The following NFILZ variants were observed in gnomAD, a reference collection of about 807,000 sequenced individuals.
NFILZ encodes NFIL3 like basic leucine zipper.
At chr19:8,641,395 G>A (rs2042918502) in intron 3 of NFILZ, among the ~76,000 whole-genome samples, 3 of 152,214 alleles carry the variant, frequency 2.0e-5, no homozygotes, top group Middle Eastern at 3.4e-3. Flanking sequence ...TACTTGTTTA[G>A]GAATTCACCC....
intron 3 of NFILZ, among the ~76,000 whole-genome samples, chr19:8,659,791 G>A (rs984175705): frequency 2.0e-5 from 3 of 152,116 alleles, no homozygotes; most frequent in Non-Finnish European, 4.4e-5. Context: ...TGAAGCTCTG[G>A]CCTGTTTCCA....
intron 3 of NFILZ, among the ~76,000 whole-genome samples, chr19:8,673,617 G>A (rs139559030): frequency 1.3e-5 from 2 of 152,288 alleles, no homozygotes; most frequent in African/African-American, 4.8e-5. Flanking sequence ...GGGGTCCCAG[G>A]TATGGACACT....
At chr19:8,662,699 C>T (rs1439112383) in intron 3 of NFILZ, among the ~76,000 whole-genome samples, 1 of 149,710 alleles carries the variant, frequency 6.7e-6, no homozygotes, top group Non-Finnish European at 1.5e-5. Context: ...TGCAGTGACA[C>T]GATCTTGGCT....
intron 4 of NFILZ, among the ~76,000 whole-genome samples, 105 bp from the exon 5 acceptor site, chr19:8,676,254 C>T (rs782403282): frequency 1.3e-5 from 2 of 152,120 alleles, no homozygotes; most frequent in Non-Finnish European, 2.9e-5. Context: ...CAAACTGAAG[C>T]GATCTTGGGG....
At chr19:8,656,407 CTCTGAAACCCACCTCTTT>C (rs1167923776) in intron 3 of NFILZ, among the ~76,000 whole-genome samples, 19 of 90,518 alleles carry the variant, frequency 2.1e-4, no homozygotes, top group East Asian at 4.5e-4. Context: ...CCCACCTTCT[CTCTGAAACCCACCTCTTT>C]CCGCAGCCCA....
rs1426864029 is a variant in NFILZ at position 8,636,767 on chromosome 19, T to G, written c.-164+1021T>G. 3.9e-5 allele frequency among the ~76,000 whole-genome samples: 6 copies of G among 152,010 alleles called. No homozygotes were observed. In the East Asian group the frequency reaches 1.2e-3, roughly 30 times the overall value. On this transcript the variant is annotated intron_variant, in intron 3 of 5. Transcript: ENST00000691075. ...CCACCATGCTTGGCTAATTTTTGTA[T>G]TTTTAATAGAGGTGAGGTTTCACCC... is the stretch of plus-strand genomic sequence containing the variant.
intron 3 of NFILZ, among the ~76,000 whole-genome samples, chr19:8,666,045 C>CT (rs35290862): frequency 0.083 from 12,216 of 146,368 alleles, 1,632 homozygotes; most frequent in African/African-American, 0.28. Context: ...TTTTTCTCAC[C>CT]TTTTTTTTTT....
At chr19:8,642,194 A>C (rs1451334351) in intron 3 of NFILZ, among the ~76,000 whole-genome samples, 1 of 149,238 alleles carries the variant, frequency 6.7e-6, no homozygotes, top group African/African-American at 2.5e-5. Flanking sequence ...TTAAGTGTAG[A>C]CCCGAGTTGA....
Position 8,680,211 on chromosome 19 carries a change from A to G in NFILZ, c.*2576A>G, listed in dbSNP as rs964614506. Among the ~76,000 whole-genome samples the G allele has an allele frequency of 6.7e-4, 94 of 140,210 alleles. 2 individuals carry two copies. Among genetic ancestry groups the G allele is most frequent in the African/African-American group, 1.3e-3 (48 of 35,966 alleles). 92.0% of individuals were successfully genotyped at this position (140,210 alleles called of 152,430 possible). On this transcript the variant is annotated 3_prime_UTR_variant, in exon 6 of 6. Coordinates refer to ENST00000691075, the MANE Select transcript of NFILZ (RefSeq NM_001378600.1). ...ACTCCATCTGAAAAAAAAAAAAAAA[A>G]AAAGGAAAAAGAAAAAATCCTGTTT...
At chr19:8,656,615 G>A (rs546119051) in intron 3 of NFILZ, among the ~76,000 whole-genome samples, 17 of 151,756 alleles carry the variant, frequency 1.1e-4, no homozygotes, top group East Asian at 9.8e-4. Flanking sequence ...TGCAGCCCCC[G>A]TACCTGGCCC....
intron 1 of NFILZ, among the ~76,000 whole-genome samples, chr19:8,631,011 C>T (rs1242614027): frequency 3.3e-5 from 5 of 152,180 alleles, no homozygotes; most frequent in African/African-American, 4.8e-5. Flanking sequence ...TGACTAGGAT[C>T]GTTTCATGCA....
In NFILZ at chr19:8,656,148, GA is replaced by G. The variant is rs549693222; in HGVS notation, c.-163-18401del. Reference sequence around the variant, plus strand: ...AGAACCCCATGCTGCCTCCATCTGAGAAGGCCCTCCATAGCCACGTTCTCCC... The same window carrying G: ...AGAACCCCATGCTGCCTCCATCTGAGAGGCCCTCCATAGCCACGTTCTCCC... On this transcript the variant is annotated intron_variant, in intron 3 of 5. Coordinates refer to ENST00000691075, the MANE Select transcript of NFILZ (RefSeq NM_001378600.1). 1.6e-3 allele frequency among the ~76,000 whole-genome samples: 201 copies of G among 126,948 alleles called. 1 individual carries two copies. Among genetic ancestry groups the G allele is most frequent in the African/African-American group, 5.2e-3 (195 of 37,504 alleles). The allele number at this position is 126,948 out of a possible 152,430, so 83.3% of individuals were successfully genotyped here.
At chr19:8,654,023 G>A (rs1555748053) in intron 3 of NFILZ, among the ~76,000 whole-genome samples, 1 of 152,132 alleles carries the variant, frequency 6.6e-6, no homozygotes, top group Non-Finnish European at 1.5e-5. Flanking sequence ...GAGGTCAGGA[G>A]TTTGAGAACC....
At chr19:8,669,378 C>G (rs895475474) in intron 3 of NFILZ, among the ~76,000 whole-genome samples, 1 of 152,146 alleles carries the variant, frequency 6.6e-6, no homozygotes, top group African/African-American at 2.4e-5. Flanking sequence ...CTATTATTCC[C>G]CTTTTGCAGA....
intron 3 of NFILZ, among the ~76,000 whole-genome samples, chr19:8,663,734 G>GCA (rs2043045434): frequency 3.6e-5 from 4 of 110,506 alleles, no homozygotes; most frequent in Admixed American, 1.0e-4. Flanking sequence ...GTGTGTGTGT[G>GCA]TGTGTGTGTG....
chr19:8,647,787 G>GTGCACA (rs2042946688), intron 3 of NFILZ, among the ~76,000 whole-genome samples: 1 of 94,906 alleles, frequency 1.1e-5, no homozygotes, highest in African/African-American at 5.0e-5. Flanking sequence ...ATGCGCGCGC[G>GTGCACA]CGCGCGCGCA....
At chr19:8,642,565 T>C (rs1298740718) in intron 3 of NFILZ, among the ~76,000 whole-genome samples, 1 of 152,092 alleles carries the variant, frequency 6.6e-6, no homozygotes, top group African/African-American at 2.4e-5. Context: ...TGGCTGGGGC[T>C]GACTACCTTG....
chr19:8,664,580 G>A (rs1207580243), intron 3 of NFILZ, among the ~76,000 whole-genome samples: 1 of 152,144 alleles, frequency 6.6e-6, no homozygotes, highest in East Asian at 1.9e-4. Context: ...GATCGGTTTC[G>A]CTGGGGGCTT....
chr19:8,636,070 CAA>C (rs2042892883), intron 3 of NFILZ, among the ~76,000 whole-genome samples: 1 of 152,104 alleles, frequency 6.6e-6, no homozygotes. Flanking sequence ...CTCCTGGCCT[CAA>C]GTGTTCTACC....
Sources: gnomAD v4.1 joint callset for allele counts (sites outside exome capture counted in the v4.1 genomes callset) on GRCh38, gnomAD v4.1.1 for gene constraint, MANE v1.5 for transcripts, NCBI Gene and HGNC (gene_info 2026-07-23, HGNC 2026-07-21) for gene names.